The following TCF4 variants were observed in gnomAD, a reference collection of about 807,000 sequenced individuals.
The protein encoded by TCF4 is SL3-3 enhancer factor 2.
A neutral mutation model predicts 82.1 loss-of-function variants in TCF4; 3 were observed. The ratio of observed to expected loss-of-function variants is 0.04; its 90% confidence interval spans 0.02 to 0.09. TCF4 has a LOEUF of 0.09. Among genes scored for constraint, TCF4 ranks in the 10% least tolerant of loss-of-function variants. The probability of loss-of-function intolerance (pLI) is 1.00; values close to 1 mark genes in which losing one functional copy is unlikely to be tolerated. For missense variants in TCF4, 518 were observed against 852.7 expected (o/e 0.61, Z 4.89); for synonymous variants, 276 against 309.6 (o/e 0.89, Z 1.14).
intron 3 of TCF4, among the ~76,000 whole-genome samples, chr18:55,573,046 T>C (rs1378958031): frequency 1.3e-5 from 2 of 149,988 alleles, no homozygotes; most frequent in African/African-American, 4.9e-5. Context: ...AGAGCTTAAC[T>C]CCGTCTCAAA....
At chr18:55,527,141 G>T (rs188181106) in intron 3 of TCF4, among the ~76,000 whole-genome samples, 51 of 152,314 alleles carry the variant, frequency 3.3e-4, no homozygotes, top group Admixed American at 3.1e-3. Context: ...CCTCTGCCAA[G>T]AAGTCTGCAA....
intron 3 of TCF4, among the ~76,000 whole-genome samples, chr18:55,580,654 T>A (rs2097566529): frequency 6.6e-6 from 1 of 151,996 alleles, no homozygotes. Context: ...AAAAATGCTA[T>A]CTACCCTAAA....
chr18:55,392,214 C>T (rs1236873986), intron 6 of TCF4, among the ~76,000 whole-genome samples: 1 of 151,384 alleles, frequency 6.6e-6, no homozygotes, highest in Non-Finnish European at 1.5e-5. Context: ...ATCCACCCAC[C>T]TCGGCCTCCC....
intron 8 of TCF4, among the ~76,000 whole-genome samples, chr18:55,312,397 C>T (rs766750951): frequency 6.6e-6 from 1 of 152,168 alleles, no homozygotes; most frequent in African/African-American, 2.4e-5. Flanking sequence ...TAGCCATGAT[C>T]TATTTGTCCT....
At chr18:55,304,212 C>T (rs1037004350) in intron 8 of TCF4, among the ~76,000 whole-genome samples, 5 of 152,148 alleles carry the variant, frequency 3.3e-5, no homozygotes, top group African/African-American at 1.2e-4. Flanking sequence ...CCAAGGTGGT[C>T]TGCATTTCAT....
intron 3 of TCF4, among the ~76,000 whole-genome samples, chr18:55,499,686 T>C (rs1163838275): frequency 6.6e-6 from 1 of 152,186 alleles, no homozygotes; most frequent in Non-Finnish European, 1.5e-5. Context: ...ACCACTGATA[T>C]CCAGGCCAGA....
rs11338618 is a variant in TCF4, at chr18:55,471,765, C to CA, written c.146-7629dup. Among the ~76,000 whole-genome samples the CA allele has an allele frequency of 5.6e-3, 739 of 131,492 alleles. 13 individuals carry two copies. Among genetic ancestry groups the CA allele is most frequent in the African/African-American group, 0.018 (623 of 35,072 alleles). 86.3% of individuals were successfully genotyped at this position (131,492 alleles called of 152,430 possible). On this transcript the variant is annotated intron_variant, in intron 3 of 19. Coordinates refer to ENST00000354452, the MANE Select transcript of TCF4 (RefSeq NM_001083962.2). ...TCGGTGACTGAGCAAGACTCTGTCT[C>CA]AAAAAAAAAAAAAAAAGATAAGTCA...
chr18:55,261,669 T>C lies in TCF4; in HGVS notation c.923-136A>G, dbSNP rs2058107305. 4.7e-5 allele frequency: 47 copies of C among 1,004,958 alleles called. No homozygotes were observed. In the South Asian group the frequency reaches 5.2e-4, roughly 11 times the overall value. 62.3% of individuals were successfully genotyped at this position (1,004,958 alleles called of 1,614,324 possible). ...CACATTAATCTTTAATTAGCATTAA[T>C]TTGTTTGCTGAGGTAGATGTCAAAT... On this transcript the variant is annotated intron_variant, in intron 11 of 19. Coordinates refer to ENST00000354452, the MANE Select transcript of TCF4 (RefSeq NM_001083962.2).
intron 3 of TCF4, among the ~76,000 whole-genome samples, chr18:55,488,514 A>G (rs2096541738): frequency 6.6e-6 from 1 of 152,190 alleles, no homozygotes; most frequent in Non-Finnish European, 1.5e-5. Flanking sequence ...CAACTGAGCT[A>G]GGATAAAAAT....
rs905632828 is a variant in TCF4, at chr18:55,422,589, C to T, written c.305-19071G>A. The T allele has an allele frequency of 2.5e-5, 12 of 479,860 alleles. No homozygotes were observed. The African/African-American group carries it at 2.6e-4, about 10-fold the overall frequency. The allele number at this position is 479,860 out of a possible 1,614,324, so 29.7% of individuals were successfully genotyped here. ...GGTGGTTTAAAGAGTTAAAGACTCC[C>T]TACCATTAATTTGCATCTGGTGCTT... On this transcript the variant is annotated intron_variant, in intron 5 of 19. Transcript: ENST00000354452.
intron 3 of TCF4, among the ~76,000 whole-genome samples, chr18:55,501,146 A>G (rs541904815): frequency 6.6e-6 from 1 of 152,324 alleles, no homozygotes; most frequent in African/African-American, 2.4e-5. Flanking sequence ...CCAAAACAAC[A>G]TCAATGCAAA....
chr18:55,588,840 G>GAA (rs879803383), upstream of TCF4, among the ~76,000 whole-genome samples: 12 of 141,554 alleles, frequency 8.5e-5, no homozygotes, highest in African/African-American at 2.9e-4. Flanking sequence ...TGCAAACTTC[G>GAA]AAAAAAAAAA....
At chr18:55,579,216 C>A (rs1312562042) in intron 3 of TCF4, among the ~76,000 whole-genome samples, 3 of 151,484 alleles carry the variant, frequency 2.0e-5, no homozygotes, top group Non-Finnish European at 4.4e-5. Context: ...CACATAAAAC[C>A]CATGTGCATA....
At chr18:55,515,923 G>A (rs1440673069) in intron 3 of TCF4, among the ~76,000 whole-genome samples, 1 of 152,100 alleles carries the variant, frequency 6.6e-6, no homozygotes, top group Non-Finnish European at 1.5e-5. Context: ...GAGGAGGTTG[G>A]TGATTCCGGA....
intron 8 of TCF4, among the ~76,000 whole-genome samples, chr18:55,303,702 G>A (rs2069169036): frequency 6.6e-6 from 1 of 152,120 alleles, no homozygotes; most frequent in Non-Finnish European, 1.5e-5. Context: ...AATGGCTGGA[G>A]AGATCAGGTT....
At chr18:55,368,416 C>T (rs1387872805) in intron 6 of TCF4, among the ~76,000 whole-genome samples, 1 of 152,044 alleles carries the variant, frequency 6.6e-6, no homozygotes, top group African/African-American at 2.4e-5. Context: ...AACAAAAAGT[C>T]ATGAGAGTTA....
intron 3 of TCF4, among the ~76,000 whole-genome samples, chr18:55,477,734 C>T (rs1267460386): frequency 6.6e-6 from 1 of 152,202 alleles, no homozygotes; most frequent in African/African-American, 2.4e-5. Context: ...TTCTATAAAA[C>T]ATGTTCACTA....
At chr18:55,354,932 G>C (rs1046197165) in intron 6 of TCF4, among the ~76,000 whole-genome samples, 1 of 152,142 alleles carries the variant, frequency 6.6e-6, no homozygotes, top group African/African-American at 2.4e-5. Flanking sequence ...TTGTGATCCG[G>C]TATCAGACAC....
chr18:55,444,237 G>C (rs762813222), intron 5 of TCF4, among the ~76,000 whole-genome samples: 10 of 152,156 alleles, frequency 6.6e-5, no homozygotes, highest in Admixed American at 3.3e-4. Context: ...AATGATTTTA[G>C]TGGACCACAA....
Sources: allele counts gnomAD v4.1 joint callset (sites outside exome capture counted in the v4.1 genomes callset), GRCh38; gene constraint gnomAD v4.1.1; transcripts MANE v1.5; gene names NCBI Gene and HGNC (gene_info 2026-07-23, HGNC 2026-07-21).